TBC1D9: variants seen among roughly 807,000 people sequenced by gnomAD.
The protein encoded by TBC1D9 is TBC1 domain family member 9.
TBC1D9 carries 63 observed loss-of-function variants against 132.0 expected under a neutral mutation model. The ratio of observed to expected loss-of-function variants is 0.48; its 90% CI spans 0.39 to 0.59. TBC1D9 has a LOEUF of 0.59. TBC1D9 is among the 20% of genes least tolerant of loss of function. The pLI is 0.00. For synonymous variants in TBC1D9, 610 were observed against 609.9 expected (o/e 1.00, Z 0.00); for missense variants, 1,261 against 1,592.7 (o/e 0.79, Z 3.54).
intron 1 of TBC1D9, among the ~76,000 whole-genome samples, chr4:140,720,983 T>C (rs1197984796): frequency 6.6e-6 from 1 of 152,166 alleles, no homozygotes; most frequent in Non-Finnish European, 1.5e-5. Context: ...GAAAGTGCTC[T>C]TTCACCGAGG....
chr4:140,625,962 C>A (rs1736701059), intron 18 of TBC1D9, among the ~76,000 whole-genome samples: 1 of 152,128 alleles, frequency 6.6e-6, no homozygotes, highest in Non-Finnish European at 1.5e-5. Flanking sequence ...CCATGCAAAG[C>A]AATAGCATCT....
intron 10 of TBC1D9, 71 bp from the exon 11 acceptor site, chr4:140,659,776 TACTC>T: frequency 9.2e-7 from 1 of 1,085,292 alleles, no homozygotes; most frequent in Non-Finnish European, 1.3e-6. Flanking sequence ...ATATTAAAAT[TACTC>T]AGTTATTCTC....
intron 16 of TBC1D9, among the ~76,000 whole-genome samples, chr4:140,629,132 A>C (rs1736754936): frequency 6.6e-6 from 1 of 152,206 alleles, no homozygotes; most frequent in Non-Finnish European, 1.5e-5. Context: ...CTCCTCTCAC[A>C]CACCCCAGTG....
chr4:140,644,669 G>C, intron 13 of TBC1D9: 1 of 419,182 alleles, frequency 2.4e-6, no homozygotes, highest in South Asian at 1.8e-5. Flanking sequence ...TGGGCCGCCC[G>C]CTGCTGCAGG....
intron 1 of TBC1D9, among the ~76,000 whole-genome samples, chr4:140,753,302 C>G (rs1738954190): frequency 6.6e-6 from 1 of 151,834 alleles, no homozygotes. Context: ...CCATGTTGCC[C>G]AGTCCGGATT....
intron 13 of TBC1D9, chr4:140,644,668 C>T (rs765789020): frequency 4.8e-6 from 2 of 418,870 alleles, no homozygotes; most frequent in South Asian, 3.6e-5. Flanking sequence ...CTGGGCCGCC[C>T]GCTGCTGCAG....
chr4:140,654,805 CT>C lies in TBC1D9; in HGVS notation c.2337+2291del, dbSNP rs571326873. On this transcript the variant is annotated intron_variant, in intron 13 of 20. Transcript: ENST00000442267. Reference sequence around the variant, plus strand: ...AGTGTGTGCCAATAGCTTGATCATTCTTTTTTTTTTAATCTAATTTTTTTAA... The same window carrying C: ...AGTGTGTGCCAATAGCTTGATCATTCTTTTTTTTTAATCTAATTTTTTTAA... 5.8e-3 allele frequency among the ~76,000 whole-genome samples: 860 copies of C among 148,506 alleles called. 12 individuals are homozygous for C. The highest frequency in any genetic ancestry group is 0.018 in the African/African-American group (748 of 40,534).
At chr4:140,658,830 T>A in intron 11 of TBC1D9, among the ~76,000 whole-genome samples, 1 of 151,974 alleles carries the variant, frequency 6.6e-6, no homozygotes, top group East Asian at 1.9e-4. Flanking sequence ...AAAATCACAC[T>A]TCTGGATGCA....
Position 140,676,902 on chromosome 4 carries a change from G to A in TBC1D9, c.1051C>T (p.Leu351Phe), listed in dbSNP as rs780412725. 6.2e-7 allele frequency: 1 copy of A among 1,613,902 alleles called. No individual in the cohort carries two copies. Among genetic ancestry groups the A allele is most frequent in the Non-Finnish European group, 8.5e-7 (1 of 1,179,840 alleles). Residue 351 changes from leucine (L) to phenylalanine (F), a missense_variant, in exon 6 of 21, where the codon CTC (leucine) becomes TTC (phenylalanine). By Grantham distance (22) the Leu-to-Phe change is conservative. This residue lies in a region of TBC1D9 where 550 missense variants were observed against 699.0 expected (regional missense o/e 0.79). Coordinates refer to ENST00000442267, the MANE Select transcript of TBC1D9 (RefSeq NM_015130.3). ...TTTTATCAGATACTTACCTCACGGA[G>A]CGGGATAATGAGGCTACATAAGTTC... ...EENLCSLIIP[L>F]REVTIVEKAD...
chr4:140,710,919 C>T (rs1197827187), intron 1 of TBC1D9, among the ~76,000 whole-genome samples: 4 of 152,140 alleles, frequency 2.6e-5, no homozygotes, highest in Admixed American at 6.5e-5. Flanking sequence ...CCAAGCCCAG[C>T]GCTTTTCTAA....
intron 3 of TBC1D9, among the ~76,000 whole-genome samples, chr4:140,683,390 C>T (rs1737734027): frequency 6.6e-6 from 1 of 152,080 alleles, no homozygotes; most frequent in Admixed American, 6.5e-5. Context: ...ATGTAGAACC[C>T]TTTCTTAGTT....
rs773494847 is a variant in TBC1D9 at position 140,622,725 on chromosome 4, T to A, written c.3271A>T (p.Ile1091Phe). The change falls in exon 21 of 21, where the codon ATC (isoleucine) becomes TTC (phenylalanine). Residue 1091 changes from isoleucine (I) to phenylalanine (F), a missense_variant. Coordinates refer to ENST00000442267, the MANE Select transcript of TBC1D9 (RefSeq NM_015130.3). ...TTCTTGGGGAAGAGCACGCCTGGGA[T>A]GCCCTGGTGGCAGGACGGCCCACTG... ...GGSGPSCHQG[I>F]PGVLFPKKGP... 10 of 1,609,684 alleles carry A rather than the reference T, an allele frequency of 6.2e-6. No homozygotes were observed. The highest frequency in any genetic ancestry group is 5.1e-6 in the Non-Finnish European group (6 of 1,179,738).
intron 1 of TBC1D9, among the ~76,000 whole-genome samples, chr4:140,711,352 T>G (rs1738240334): frequency 6.6e-6 from 1 of 152,044 alleles, no homozygotes; most frequent in Admixed American, 6.6e-5. Flanking sequence ...GCCTTTTTGG[T>G]GTGGTAGGAA....
At chr4:140,719,560 T>C (rs1050567121) in intron 1 of TBC1D9, among the ~76,000 whole-genome samples, 11 of 152,306 alleles carry the variant, frequency 7.2e-5, no homozygotes, top group Admixed American at 7.2e-4. Context: ...AGGAAAAATA[T>C]GGCCTTAGTC....
At chr4:140,701,880 T>C (rs1230690400) in intron 1 of TBC1D9, among the ~76,000 whole-genome samples, 12 of 152,198 alleles carry the variant, frequency 7.9e-5, no homozygotes, top group Admixed American at 7.9e-4. Context: ...ACTTTCCATT[T>C]ATGTTTAAAA....
intron 15 of TBC1D9, among the ~76,000 whole-genome samples, chr4:140,635,687 G>A (rs1489936540): frequency 1.3e-5 from 2 of 152,182 alleles, no homozygotes; most frequent in Non-Finnish European, 2.9e-5. Flanking sequence ...AGAGGAGTGG[G>A]AGTAGGGAAG....
chr4:140,638,747 T>C (rs1400310693), intron 15 of TBC1D9, among the ~76,000 whole-genome samples: 5 of 152,152 alleles, frequency 3.3e-5, no homozygotes, highest in Non-Finnish European at 7.3e-5. Context: ...TAAGGGTGTT[T>C]TTATAGCTTA....
chr4:140,736,872 T>C (rs1738680914), intron 1 of TBC1D9, among the ~76,000 whole-genome samples: 1 of 152,174 alleles, frequency 6.6e-6, no homozygotes, highest in South Asian at 2.1e-4. Flanking sequence ...CATTCCCCTG[T>C]GGGGAAGCAG....
intron 1 of TBC1D9, among the ~76,000 whole-genome samples, chr4:140,739,940 C>A (rs1738734291): frequency 2.0e-5 from 3 of 152,058 alleles, no homozygotes; most frequent in Admixed American, 1.3e-4. Context: ...TAAACAGAGA[C>A]CAAATCCTTA....
Sources: allele counts gnomAD v4.1 joint callset (sites outside exome capture counted in the v4.1 genomes callset), GRCh38; gene constraint gnomAD v4.1.1; regional missense constraint gnomAD v4.1.1; transcripts MANE v1.5; gene names NCBI Gene and HGNC (gene_info 2026-07-23, HGNC 2026-07-21).